The following CREBBP variants were observed in gnomAD, a reference collection of about 807,000 sequenced individuals.
CREBBP encodes CREB-binding protein.
A neutral mutation model predicts 265.0 loss-of-function variants in CREBBP; 19 were observed. That is an observed-to-expected ratio of 0.07 (90% CI 0.05 to 0.11). The LOEUF is 0.11. Ranked by LOEUF, CREBBP falls within the 10% of genes least tolerant of loss-of-function variation. CREBBP has a pLI of 1.00. For missense variants in CREBBP, 2,525 were observed against 3,219.0 expected, an observed-to-expected ratio of 0.78 and a Z score of 5.22; for synonymous variants, 1,457 against 1,223.7, an observed-to-expected ratio of 1.19 and a Z score of -3.98.
Position 3,726,926 on chromosome 16 carries a change from T to C in CREBBP, c.*792A>G, listed in dbSNP as rs1286074751. ...TCTCGAGTTTCGTATTTATAGGAATTAGAGCGCTTGCATGATTTACACTAG... is the reference window on the plus strand; with the variant it reads ...TCTCGAGTTTCGTATTTATAGGAATCAGAGCGCTTGCATGATTTACACTAG... On this transcript the variant is annotated 3_prime_UTR_variant, in exon 31 of 31. Transcript: ENST00000262367. 8.6e-6 allele frequency: 2 copies of C among 233,658 alleles called. No individual in the cohort carries two copies. Among genetic ancestry groups the C allele is most frequent in the East Asian group, 6.0e-5 (1 of 16,558 alleles). The allele number at this position is 233,658 out of a possible 1,614,324, so 14.5% of individuals were successfully genotyped here. A position where few individuals can be genotyped will look rare whatever the true frequency, so the allele number is the denominator to read the frequency against.
At position 3,850,632 on chromosome 16, in the gene CREBBP, C is replaced by T. The variant is rs780333650; in HGVS notation, c.463G>A (p.Ala155Thr). Residue 155 changes from alanine (A) to threonine (T), a missense_variant, in exon 2 of 31, where the codon GCA (alanine) becomes ACA (threonine). Around this residue, in one of 19 missense-constraint regions of CREBBP, gnomAD observed 356 missense variants for 340.4 expected, o/e 1.05. Coordinates refer to ENST00000262367, the MANE Select transcript of CREBBP (RefSeq NM_004380.3). ...GTCGCCAGCCCCACTTGCTTTTGTGCTTGCGGATTCAGTGCTTGGGAGGCA... is the reference window on the plus strand; with the variant it reads ...GTCGCCAGCCCCACTTGCTTTTGTGTTTGCGGATTCAGTGCTTGGGAGGCA... ...PAASQALNPQ[A>T]QKQVGLATSS... 20 of 1,614,114 alleles carry T rather than the reference C, an allele frequency of 1.2e-5. No individual in the cohort carries two copies. The highest frequency in any genetic ancestry group is 2.2e-5 in the East Asian group (1 of 44,894).
intron 1 of CREBBP, among the ~76,000 whole-genome samples, chr16:3,879,548 G>A (rs2055478529): frequency 6.6e-6 from 1 of 152,210 alleles, no homozygotes; most frequent in Non-Finnish European, 1.5e-5. Context: ...CCCACACGCT[G>A]CACTTTACTT....
Position 3,850,568 on chromosome 16 carries a change from C to G in CREBBP, c.527G>C (p.Cys176Ser), listed in dbSNP as rs1050887843. The G allele has an allele frequency of 1.9e-6, 3 of 1,614,110 alleles. No individual in the cohort carries two copies. The highest frequency in any genetic ancestry group is 2.5e-6 in the Non-Finnish European group (3 of 1,180,052). ...GGTCTGGTTAAAGTTAGCATTCATGCAGATACCAGGTCCAGTCTGTGACGT... is the reference window on the plus strand; with the variant it reads ...GGTCTGGTTAAAGTTAGCATTCATGGAGATACCAGGTCCAGTCTGTGACGT... Reference protein sequence around the residue: ...PATSQTGPGICMNANFNQTHP... With the variant: ...PATSQTGPGISMNANFNQTHP... Residue 176 changes from cysteine to serine, a missense_variant, in exon 2 of 31, where the codon TGC becomes TCC. By Grantham distance (112) the Cys-to-Ser change is moderately radical. Coordinates refer to ENST00000262367, the MANE Select transcript of CREBBP (RefSeq NM_004380.3).
chr16:3,762,279 A>C (rs1035277722), intron 16 of CREBBP, among the ~76,000 whole-genome samples: 1 of 152,138 alleles, frequency 6.6e-6, no homozygotes, highest in African/African-American at 2.4e-5. Context: ...ACAGGGCCTG[A>C]AACAAGTGTC....
At chr16:3,867,048 A>C (rs1375553182) in intron 1 of CREBBP, among the ~76,000 whole-genome samples, 1 of 152,208 alleles carries the variant, frequency 6.6e-6, no homozygotes, top group African/African-American at 2.4e-5. Context: ...AAATGTTCTT[A>C]GAAGTCCTAC....
rs765552559 is a variant in CREBBP at position 3,778,213 on chromosome 16, G to C, written c.1942-31C>G. ...AAGCAATAATATTCAATATGAAACAGTTAAAACTGTAAAAAGCAACTGAAT... is the reference window on the plus strand; with the variant it reads ...AAGCAATAATATTCAATATGAAACACTTAAAACTGTAAAAAGCAACTGAAT... On this transcript the variant is annotated intron_variant, in intron 9 of 30. Coordinates refer to ENST00000262367, the MANE Select transcript of CREBBP (RefSeq NM_004380.3). The C allele has an allele frequency of 1.4e-5, 22 of 1,543,778 alleles. No individual in the cohort carries two copies. The South Asian group carries it at 2.3e-4, about 16-fold the overall frequency.
chr16:3,740,733 C>A (rs1393215536), intron 23 of CREBBP, 184 bp from the exon 24 acceptor site: 1 of 760,496 alleles, frequency 1.3e-6, no homozygotes, highest in Non-Finnish European at 2.2e-6. Flanking sequence ...AAGGTGGACT[C>A]TGGGATCTCA....
At chr16:3,813,478 T>A (rs1249384032) in intron 2 of CREBBP, among the ~76,000 whole-genome samples, 1 of 152,260 alleles carries the variant, frequency 6.6e-6, no homozygotes, top group East Asian at 1.9e-4. Context: ...CTATACTAAA[T>A]TAATTCCATG....
chr16:3,780,021 C>CACTTGAGGTCAGGAGTTTGAGA lies in CREBBP; in HGVS notation c.1823+689_1823+710dup, dbSNP rs1188839712. Among the ~76,000 whole-genome samples the CACTTGAGGTCAGGAGTTTGAGA allele has an allele frequency of 6.6e-5, 10 of 151,996 alleles. No homozygotes were observed. The East Asian group carries it at 1.9e-3, about 29-fold the overall frequency. ...CTTCGGGAGGCTGAGGTGGACGGAT[C>CACTTGAGGTCAGGAGTTTGAGA]ACTTGAGGTCAGGAGTTTGAGACCA... On this transcript the variant is annotated intron_variant, in intron 8 of 30. Coordinates refer to ENST00000262367, the MANE Select transcript of CREBBP (RefSeq NM_004380.3).
chr16:3,808,158 G>C (rs563820157), intron 3 of CREBBP, among the ~76,000 whole-genome samples: 143 of 148,780 alleles, frequency 9.6e-4, no homozygotes, highest in Middle Eastern at 3.4e-3. Flanking sequence ...ATGAAAGAAG[G>C]GGGGGGCAGC....
intron 2 of CREBBP, among the ~76,000 whole-genome samples, chr16:3,824,261 C>A (rs1296532043): frequency 2.0e-5 from 3 of 152,272 alleles, no homozygotes; most frequent in African/African-American, 7.2e-5. Flanking sequence ...TTGACCGAGG[C>A]TACGCCTCTG....
At chr16:3,806,214 G>A (rs1359878268) in intron 3 of CREBBP, among the ~76,000 whole-genome samples, 1 of 152,056 alleles carries the variant, frequency 6.6e-6, no homozygotes, top group African/African-American at 2.4e-5. Flanking sequence ...ATTCTGGCAG[G>A]ACACAGAAGA....
chr16:3,832,772 A>G (rs1229953357), intron 2 of CREBBP, among the ~76,000 whole-genome samples: 1 of 152,246 alleles, frequency 6.6e-6, no homozygotes, highest in Non-Finnish European at 1.5e-5. Context: ...AATCCTGAAC[A>G]ATATTTTAAT....
At chr16:3,833,833 G>A (rs943155336) in intron 2 of CREBBP, among the ~76,000 whole-genome samples, 4 of 152,098 alleles carry the variant, frequency 2.6e-5, no homozygotes, top group South Asian at 2.1e-4. Context: ...AATGTCAAGA[G>A]AATGAGAAGA....
chr16:3,820,382 G>A (rs942337470), intron 2 of CREBBP, among the ~76,000 whole-genome samples: 1 of 152,164 alleles, frequency 6.6e-6, no homozygotes, highest in Non-Finnish European at 1.5e-5. Context: ...GTGCACCTGG[G>A]GCAGGAGAGT....
At chr16:3,789,709 TA>T (rs113579931) in intron 5 of CREBBP, among the ~76,000 whole-genome samples, 1 of 151,208 alleles carries the variant, frequency 6.6e-6, no homozygotes, top group Non-Finnish European at 1.5e-5. Context: ...CATACTTTTG[TA>T]AAAAAAAACT....
chr16:3,832,465 G>C (rs931944355), intron 2 of CREBBP, among the ~76,000 whole-genome samples: 1 of 152,280 alleles, frequency 6.6e-6, no homozygotes, highest in African/African-American at 2.4e-5. Flanking sequence ...AGTGTCATTA[G>C]GTGATTCTGG....
chr16:3,769,209 C>A lies in CREBBP; in HGVS notation c.3025G>T (p.Asp1009Tyr), dbSNP rs141734994. ...TETQAEDTEP[D>Y]PGESKGEPRS... The stretch of plus-strand genomic sequence containing the variant: ...GGCTCCCCTTTGGATTCACCAGGAT[C>A]GGGCTCAGTGTCCTCTGCTTGGGTC... The change falls in exon 15 of 31, where the codon GAT (aspartate) becomes TAT (tyrosine). Residue 1009 changes from aspartate (D) to tyrosine (Y), a missense_variant. By Grantham distance (160) the Asp-to-Tyr change is radical (BLOSUM62 -3). Around this residue, in one of 19 missense-constraint regions of CREBBP, gnomAD observed 548 missense variants for 533.0 expected, o/e 1.03. Coordinates refer to ENST00000262367, the MANE Select transcript of CREBBP (RefSeq NM_004380.3). 127 of 1,614,020 alleles carry A rather than the reference C, an allele frequency of 7.9e-5. No homozygotes were observed. Among genetic ancestry groups the A allele is most frequent in the Non-Finnish European group, 1.0e-4 (122 of 1,180,028 alleles).
At chr16:3,816,589 G>A (rs990304511) in intron 2 of CREBBP, among the ~76,000 whole-genome samples, 4 of 152,174 alleles carry the variant, frequency 2.6e-5, no homozygotes, top group African/African-American at 9.7e-5. Flanking sequence ...GCAAGTAGGT[G>A]AGTGACCATG....
Sources: gnomAD v4.1 joint callset for allele counts (sites outside exome capture counted in the v4.1 genomes callset) on GRCh38, gnomAD v4.1.1 for gene constraint, gnomAD v4.1.1 regional missense constraint, MANE v1.5 for transcripts, NCBI Gene and HGNC (gene_info 2026-07-23, HGNC 2026-07-21) for gene names.